Variants in C16orf78 observed in about 807,000 individuals in gnomAD.
The protein encoded by C16orf78 is uncharacterized protein C16orf78.
In C16orf78, 19 loss-of-function variants were observed where a neutral mutation model predicts 27.3. That is an observed-to-expected ratio of 0.70 (90% CI 0.49 to 1.02). C16orf78 has a LOEUF of 1.02. Ranked by LOEUF, C16orf78 falls within the 50% of genes least tolerant of loss-of-function variation. The pLI, the probability that C16orf78 is intolerant of heterozygous loss-of-function variation, is 0.00. For missense variants in C16orf78, 339 were observed against 337.0 expected, an observed-to-expected ratio of 1.01 and a Z score of -0.05; for synonymous variants, 130 against 116.1, an observed-to-expected ratio of 1.12 and a Z score of -0.77.
At chr16:49,378,321 C>T in intron 2 of C16orf78, 149 bp from the exon 3 acceptor site, 1 of 1,197,756 alleles carries the variant, frequency 8.3e-7, no homozygotes, top group Non-Finnish European at 1.1e-6. Context: ...GCCCCTCCGA[C>T]CTCTCCCAGG....
At chr16:49,375,390 T>C (rs1441224167) in intron 1 of C16orf78, among the ~76,000 whole-genome samples, 2 of 151,902 alleles carry the variant, frequency 1.3e-5, no homozygotes, top group South Asian at 2.1e-4. Flanking sequence ...GCATAGGAGA[T>C]TCCACTTCTG....
At chr16:49,387,327 G>GT (rs61587322) in intron 3 of C16orf78, among the ~76,000 whole-genome samples, 5,769 of 151,906 alleles carry the variant, frequency 0.038, 381 homozygotes, top group African/African-American at 0.13. Flanking sequence ...GTAAGTTTAA[G>GT]TTTTTTATAG....
intron 4 of C16orf78, among the ~76,000 whole-genome samples, chr16:49,397,597 T>C (rs1449401402): frequency 6.6e-6 from 1 of 152,108 alleles, no homozygotes; most frequent in Non-Finnish European, 1.5e-5. Flanking sequence ...AGATGGGCCA[T>C]GTGGTTCTAA....
intron 3 of C16orf78, among the ~76,000 whole-genome samples, chr16:49,381,307 G>C (rs991032626): frequency 6.6e-6 from 1 of 151,930 alleles, no homozygotes; most frequent in Non-Finnish European, 1.5e-5. Context: ...CTTTTATTTC[G>C]TTGAGCAGTG....
At chr16:49,394,656 A>G (rs879851244) in intron 3 of C16orf78, among the ~76,000 whole-genome samples, 2 of 152,136 alleles carry the variant, frequency 1.3e-5, no homozygotes, top group African/African-American at 4.8e-5. Flanking sequence ...CATAATCCCT[A>G]TCATCATTAT....
Position 49,389,692 on chromosome 16 carries a change from G to C in C16orf78, c.395-6731G>C, listed in dbSNP as rs530474790. ...ATCTTCATTTTATGTAAACATAAGA[G>C]CCTTATCAGAGTATACTTCCATTTC... On this transcript the variant is annotated intron_variant, in intron 3 of 4. Transcript: ENST00000299191. 7.1e-4 allele frequency among the ~76,000 whole-genome samples: 108 copies of C among 152,164 alleles called. 1 individual carries two copies. Among genetic ancestry groups the C allele is most frequent in the Non-Finnish European group, 1.3e-3 (91 of 68,016 alleles).
At chr16:49,387,202 A>G (rs1965361548) in intron 3 of C16orf78, among the ~76,000 whole-genome samples, 2 of 151,742 alleles carry the variant, frequency 1.3e-5, no homozygotes, top group South Asian at 4.2e-4. Flanking sequence ...GATCAGGGCT[A>G]TTGAGGTTTT....
At chr16:49,376,036 C>T (rs1965212894) in intron 1 of C16orf78, among the ~76,000 whole-genome samples, 1 of 152,210 alleles carries the variant, frequency 6.6e-6, no homozygotes, top group African/African-American at 2.4e-5. Flanking sequence ...AGCATCATTA[C>T]CTTTCCCAGA....
chr16:49,374,063 C>A lies in C16orf78; in HGVS notation c.124C>A (p.Gln42Lys). 2 of 1,614,028 alleles carry A rather than the reference C, an allele frequency of 1.2e-6. No homozygotes were observed. Among genetic ancestry groups the A allele is most frequent in the Non-Finnish European group, 1.7e-6 (2 of 1,179,970 alleles). ...TCVLEWLERRQGKKKQAPEKQ... is the reference protein window; with the variant it reads ...TCVLEWLERRKGKKKQAPEKQ... ...TGTGCTGGAGTGGCTGGAGCGGAGGCAGGGGAAGAAGAAACAAGCTCCCGA... is the reference window on the plus strand; with the variant it reads ...TGTGCTGGAGTGGCTGGAGCGGAGGAAGGGGAAGAAGAAACAAGCTCCCGA... Residue 42 changes from glutamine (Q) to lysine (K), a missense_variant, in exon 1 of 5, where the codon CAG (glutamine) becomes AAG (lysine). By Grantham distance (53) the Gln-to-Lys change is moderately conservative. Transcript: ENST00000299191.
At chr16:49,391,289 C>T (rs1188082879) in intron 3 of C16orf78, among the ~76,000 whole-genome samples, 1 of 152,150 alleles carries the variant, frequency 6.6e-6, no homozygotes, top group East Asian at 1.9e-4. Context: ...AAAGGGAATT[C>T]CCTCCCTGGG....
At chr16:49,396,703 G>C in intron 4 of C16orf78, 25 bp downstream of exon 4, 1 of 1,598,018 alleles carries the variant, frequency 6.3e-7, no homozygotes. Flanking sequence ...CCCCTGGGCA[G>C]ATGGGGTGGG....
chr16:49,373,987 G>C lies in C16orf78; in HGVS notation c.48G>C (p.Arg16Ser). The C allele has an allele frequency of 6.2e-7, 1 of 1,614,166 alleles. No individual in the cohort carries two copies. Among genetic ancestry groups the C allele is most frequent in the Non-Finnish European group, 8.5e-7 (1 of 1,180,014 alleles). Residue 16 changes from arginine to serine, a missense_variant, in exon 1 of 5, where the codon AGG becomes AGC. By Grantham distance (110) the Arg-to-Ser change is moderately radical. Coordinates refer to ENST00000299191, the MANE Select transcript of C16orf78 (RefSeq NM_144602.4). ...MDLKDLMPTK[R>S]KYMWKTAEDR... is the part of the protein sequence containing the mutation. ...TGAAGGATTTAATGCCCACAAAGAG[G>C]AAATACATGTGGAAGACTGCTGAAG... is the stretch of plus-strand genomic sequence containing the variant.
At chr16:49,394,475 A>C (rs1483019485) in intron 3 of C16orf78, among the ~76,000 whole-genome samples, 2 of 129,822 alleles carry the variant, frequency 1.5e-5, no homozygotes, top group African/African-American at 4.1e-5. Flanking sequence ...ATATCAGTTG[A>C]TGGCAAAAAA....
Position 49,396,482 on chromosome 16 carries a change from C to A in C16orf78, c.454C>A (p.Arg152=), listed in dbSNP as rs139737719. The change falls in exon 4 of 5, where the codon CGA becomes AGA. Residue 152 remains arginine (R), a synonymous_variant. Coordinates refer to ENST00000299191, the MANE Select transcript of C16orf78 (RefSeq NM_144602.4). ...ESTQRPNPFR[R]QSIVLDPMLQ... ...CACTCAGCGGCCAAACCCATTCCGT[C>A]GACAAAGCATTGTCTTAGATCCCAT... The A allele has an allele frequency of 4.3e-6, 7 of 1,614,150 alleles. No individual in the cohort carries two copies. Among genetic ancestry groups the A allele is most frequent in the Non-Finnish European group, 5.9e-6 (7 of 1,180,006 alleles).
intron 3 of C16orf78, among the ~76,000 whole-genome samples, chr16:49,390,607 T>C (rs886279600): frequency 2.0e-5 from 3 of 152,254 alleles, no homozygotes; most frequent in Admixed American, 6.5e-5. Flanking sequence ...AATGTGACCC[T>C]GCCTTGGAGG....
intron 3 of C16orf78, among the ~76,000 whole-genome samples, chr16:49,390,295 G>A (rs1488558463): frequency 2.0e-5 from 3 of 152,030 alleles, no homozygotes; most frequent in African/African-American, 7.2e-5. Context: ...CAAATTTTTG[G>A]ACATTATTTG....
rs367996948 is a variant in C16orf78 at position 49,377,801 on chromosome 16, T to A, written c.221T>A (p.Leu74His). 1 of 1,593,516 alleles carries A rather than the reference T, an allele frequency of 6.3e-7. No individual in the cohort carries two copies. The change falls in exon 2 of 5, where the codon CTC (leucine) becomes CAC (histidine). Residue 74 changes from leucine (L) to histidine (H), a missense_variant. Transcript: ENST00000299191. ...AAGGAAGAGAAGAAAGGCAAAGGCC[T>A]CATGACAGCACGGGGAGGGAACCGC... ...KKKEEKKGKG[L>H]MTARGGNRRD...
chr16:49,394,695 G>A (rs900955002), intron 3 of C16orf78, among the ~76,000 whole-genome samples: 1 of 151,888 alleles, frequency 6.6e-6, no homozygotes, highest in Non-Finnish European at 1.5e-5. Context: ...TCTGTCAAAT[G>A]TAATATATAT....
At chr16:49,383,930 C>A (rs568144696) in intron 3 of C16orf78, among the ~76,000 whole-genome samples, 1 of 152,118 alleles carries the variant, frequency 6.6e-6, no homozygotes, top group African/African-American at 2.4e-5. Flanking sequence ...AATTGACTGA[C>A]AAATAATTCA....
Sources: allele counts gnomAD v4.1 joint callset (sites outside exome capture counted in the v4.1 genomes callset), GRCh38; gene constraint gnomAD v4.1.1; transcripts MANE v1.5; gene names NCBI Gene and HGNC (gene_info 2026-07-23, HGNC 2026-07-21).